The following SGSM3 variants were observed in gnomAD, a reference collection of about 807,000 sequenced individuals.
SGSM3 encodes RUN and SH3 containing 3.
In SGSM3, 96 loss-of-function variants were observed where a neutral mutation model predicts 100.5. That is an observed-to-expected ratio of 0.96 (90% CI 0.81 to 1.13). SGSM3 has a LOEUF of 1.13. Among genes scored for constraint, SGSM3 ranks in the 50% most tolerant of loss-of-function variants. The pLI is 0.00. For synonymous variants in SGSM3, 483 were observed against 422.8 expected (o/e 1.14, Z -1.75); for missense variants, 1,001 against 1,015.8 (o/e 0.99, Z 0.20).
intron 1 of SGSM3, among the ~76,000 whole-genome samples, chr22:40,375,727 A>G (rs553140261): frequency 6.6e-6 from 1 of 151,954 alleles, no homozygotes; most frequent in East Asian, 1.9e-4. Flanking sequence ...TAGATATCTA[A>G]TTAGCCTGCA....
intron 1 of SGSM3, among the ~76,000 whole-genome samples, chr22:40,398,176 A>G (rs568466360): frequency 1.3e-5 from 2 of 152,154 alleles, no homozygotes; most frequent in South Asian, 4.2e-4. Context: ...CATGTTGGCC[A>G]GGATGGTCTC....
At chr22:40,396,144 AG>A (rs760501500) in intron 1 of SGSM3, among the ~76,000 whole-genome samples, 39 of 152,282 alleles carry the variant, frequency 2.6e-4, no homozygotes, top group Non-Finnish European at 5.3e-4. Flanking sequence ...CATCTATAGA[AG>A]CCACATTAAT....
In SGSM3 at chr22:40,408,351, T is replaced by C; in HGVS notation, c.1704T>C (p.Leu568=). ...TGCGAGGGACCCTCTGCCCGGCCCT[T>C]AAGGCCCTGTTCGAACATGGACTGA... ...DLVRGTLCPA[L]KALFEHGLKK... Residue 568 remains leucine (L), a synonymous_variant, in exon 16 of 22, where the codon CTT becomes CTC. Transcript: ENST00000248929. 1.2e-6 allele frequency: 2 copies of C among 1,613,500 alleles called. No individual in the cohort carries two copies. Among genetic ancestry groups the C allele is most frequent in the Non-Finnish European group, 1.7e-6 (2 of 1,179,984 alleles).
chr22:40,397,674 T>C (rs1488350705), intron 1 of SGSM3, among the ~76,000 whole-genome samples: 1 of 152,166 alleles, frequency 6.6e-6, no homozygotes, highest in African/African-American at 2.4e-5. Context: ...ACTCTTTCCT[T>C]CTCATTCCCC....
intron 1 of SGSM3, among the ~76,000 whole-genome samples, chr22:40,386,723 C>G (rs1021458564): frequency 1.9e-4 from 29 of 151,666 alleles, no homozygotes; most frequent in African/African-American, 7.0e-4. Flanking sequence ...TGCCTGGCCC[C>G]TAGTTTCTTT....
chr22:40,407,903 T>G lies in SGSM3; in HGVS notation c.1579+60T>G, dbSNP rs1266992185. ...GGAGGAGGGGGTGGGCACAGAAGAC[T>G]TGGGTGACCCTGGCCGCCACCAAGC... On this transcript the variant is annotated intron_variant, in intron 14 of 21. Coordinates refer to ENST00000248929, the MANE Select transcript of SGSM3 (RefSeq NM_015705.6). The surrounding 1 kb of genome is among the most constrained non-coding windows in gnomAD (Gnocchi z 4.7). 3.2e-6 allele frequency: 5 copies of G among 1,538,878 alleles called. No individual in the cohort carries two copies. The highest frequency in any genetic ancestry group is 1.8e-5 in the Admixed American group (1 of 57,114).
chr22:40,385,060 A>G (rs77662200), intron 1 of SGSM3, among the ~76,000 whole-genome samples: 5,718 of 152,304 alleles, frequency 0.038, 299 homozygotes, highest in African/African-American at 0.12. Context: ...AGAAGAAAAA[A>G]CAATATGGTC....
In SGSM3 at chr22:40,408,266, C is replaced by T. The variant is rs1233072376; in HGVS notation, c.1630-11C>T. The T allele has an allele frequency of 3.1e-6, 5 of 1,612,952 alleles. No individual in the cohort carries two copies. The highest frequency in any genetic ancestry group is 4.2e-6 in the Non-Finnish European group (5 of 1,179,566). ...CAGGCAGGGCTTTCTCAGACCCATC[C>T]CTCCCATCAGTACTCCATCGCGGGG... On this transcript the variant is annotated splice_polypyrimidine_tract_variant and intron_variant, in intron 15 of 21. Transcript: ENST00000248929.
At position 40,407,157 on chromosome 22, in the gene SGSM3, G is replaced by A. The variant is rs1466811648; in HGVS notation, c.1241-44G>A. On this transcript the variant is annotated intron_variant, in intron 11 of 21. Coordinates refer to ENST00000248929, the MANE Select transcript of SGSM3 (RefSeq NM_015705.6). This position sits in a 1 kb window ranked among gnomAD's most constrained non-coding sequence, Gnocchi z 4.7. ...TGGACGTGGAGCTTCCTCCTCGGGG[G>A]CCTGGAGTGGGCTGTGGTCACCATG... The A allele has an allele frequency of 3.7e-6, 6 of 1,612,540 alleles. No individual in the cohort carries two copies. The highest frequency in any genetic ancestry group is 5.1e-6 in the Non-Finnish European group (6 of 1,179,258).
Position 40,407,862 on chromosome 22 carries a change from T to C in SGSM3, c.1579+19T>C. 6.2e-7 allele frequency: 1 copy of C among 1,602,740 alleles called. No individual in the cohort carries two copies. The highest frequency in any genetic ancestry group is 8.5e-7 in the Non-Finnish European group (1 of 1,173,682). On this transcript the variant is annotated intron_variant, in intron 14 of 21. Transcript: ENST00000248929. This position sits in a 1 kb window ranked among gnomAD's most constrained non-coding sequence, Gnocchi z 4.7. ...CTGCGAGGTGGGGTCCTTGGTCTGC[T>C]CTTGAGCTGGGAGAGGGAGGAGGGG...
intron 5 of SGSM3, 22 bp from the exon 6 acceptor site, chr22:40,404,535 C>T (rs774540051): frequency 2.5e-6 from 4 of 1,611,544 alleles, no homozygotes; most frequent in Non-Finnish European, 3.4e-6. Flanking sequence ...GACTGAGTGC[C>T]CTTGCGGCTC....
intron 1 of SGSM3, among the ~76,000 whole-genome samples, chr22:40,399,984 T>A (rs1018837271): frequency 7.9e-5 from 12 of 152,340 alleles, no homozygotes; most frequent in Admixed American, 7.2e-4. Flanking sequence ...CCCACACTTG[T>A]ATGTCTTTAA....
At chr22:40,375,207 A>C (rs1013550856) in intron 1 of SGSM3, among the ~76,000 whole-genome samples, 5 of 152,174 alleles carry the variant, frequency 3.3e-5, no homozygotes, top group Non-Finnish European at 7.3e-5. Context: ...CTCTCTACTA[A>C]TGATGTAAAT....
chr22:40,405,037 C>A, intron 6 of SGSM3, 104 bp from the exon 7 acceptor site: 1 of 1,406,378 alleles, frequency 7.1e-7, no homozygotes, highest in Non-Finnish European at 9.4e-7. Flanking sequence ...TGATCAGGAA[C>A]ACAAGGAATC....
intron 16 of SGSM3, 72 bp from the exon 17 acceptor site, chr22:40,408,555 C>T (rs945590080): frequency 1.3e-6 from 2 of 1,593,326 alleles, no homozygotes; most frequent in Middle Eastern, 1.7e-4. Context: ...GTGACAGGTG[C>T]CCAGTCGGCC....
At chr22:40,371,637 C>T (rs1393426663) in intron 1 of SGSM3, among the ~76,000 whole-genome samples, 1 of 152,148 alleles carries the variant, frequency 6.6e-6, no homozygotes, top group Non-Finnish European at 1.5e-5. Flanking sequence ...AGTTGAATTA[C>T]ATCTTTGTTT....
At chr22:40,404,478 CAG>C in intron 5 of SGSM3, 23 bp downstream of exon 5, 1 of 1,609,244 alleles carries the variant, frequency 6.2e-7, no homozygotes, top group Non-Finnish European at 8.5e-7. Context: ...CAGGGACCCA[CAG>C]GGTGTTGAGA....
intron 1 of SGSM3, among the ~76,000 whole-genome samples, chr22:40,375,434 G>C (rs1286909050): frequency 6.6e-6 from 1 of 151,956 alleles, no homozygotes; most frequent in Non-Finnish European, 1.5e-5. Context: ...ACAAAAATTA[G>C]CTGGGTGTGG....
At chr22:40,390,886 C>A (rs2049262686) in intron 1 of SGSM3, among the ~76,000 whole-genome samples, 1 of 152,244 alleles carries the variant, frequency 6.6e-6, no homozygotes, top group South Asian at 2.1e-4. Context: ...TACATCGGGA[C>A]CTTCTAAGAG....
Sources: gnomAD v4.1 joint callset for allele counts (sites outside exome capture counted in the v4.1 genomes callset) on GRCh38, gnomAD v4.1.1 for gene constraint, Gnocchi (gnomAD v3.1) non-coding constraint, MANE v1.5 for transcripts, NCBI Gene and HGNC (gene_info 2026-07-23, HGNC 2026-07-21) for gene names.